Variants in ANKRD26 observed in about 807,000 individuals in gnomAD.
ANKRD26 encodes the protein ankyrin repeat domain 26, also known as ankyrin repeat domain-containing protein 26.
A neutral mutation model predicts 208.7 loss-of-function variants in ANKRD26; 141 were observed. The ratio of observed to expected loss-of-function variants is 0.68; its 90% confidence interval spans 0.59 to 0.78. The LOEUF (loss-of-function observed/expected upper bound fraction) is 0.78, where lower values mean the gene tolerates loss of function less well. ANKRD26 is among the 30% of genes least tolerant of loss of function. The probability of loss-of-function intolerance (pLI) is 0.00; values close to 1 mark genes in which losing one functional copy is unlikely to be tolerated. For missense variants in ANKRD26, 1,889 were observed against 1,938.7 expected, an observed-to-expected ratio of 0.97 and a Z score of 0.48; for synonymous variants, 636 against 660.4, an observed-to-expected ratio of 0.96 and a Z score of 0.57.
chr10:26,987,728 A>G (rs2052414113), downstream of ANKRD26, among the ~76,000 whole-genome samples: 2 of 152,186 alleles, frequency 1.3e-5, no homozygotes, highest in Admixed American at 6.5e-5. Context: ...ATAAAAGCAA[A>G]TCTTCATAGA....
chr10:27,063,790 T>C (rs2055147108), intron 12 of ANKRD26, among the ~76,000 whole-genome samples, 198 bp downstream of exon 12: 1 of 152,172 alleles, frequency 6.6e-6, no homozygotes, highest in Non-Finnish European at 1.5e-5. Context: ...GATCTAATAA[T>C]TCAGTTCCCT....
chr10:27,034,031 G>A (rs114320757), intron 24 of ANKRD26, among the ~76,000 whole-genome samples: 2,214 of 152,174 alleles, frequency 0.015, 33 homozygotes, highest in Middle Eastern at 0.031. Flanking sequence ...ACTGAACAAA[G>A]TTATACCCAA....
At chr10:26,967,877 T>G in the ANKRD26 span, among the ~76,000 whole-genome samples, 1 of 152,166 alleles carries the variant, frequency 6.6e-6, no homozygotes. Flanking sequence ...CTCTTCTACC[T>G]TACTTCTGGA....
At chr10:27,061,966 G>C (rs749407114) in intron 12 of ANKRD26, 12 of 984,908 alleles carry the variant, frequency 1.2e-5, no homozygotes, top group Non-Finnish European at 1.4e-5. Flanking sequence ...ATAATCTCTG[G>C]AGCAGAAATG....
intron 18 of ANKRD26, among the ~76,000 whole-genome samples, chr10:27,045,946 C>A (rs2135312159): frequency 6.6e-6 from 1 of 152,290 alleles, no homozygotes; most frequent in Middle Eastern, 3.4e-3. Flanking sequence ...ATCAAGCTTT[C>A]TGAGGCTTTG....
At chr10:26,960,436 G>A in the ANKRD26 span, among the ~76,000 whole-genome samples, 1 of 152,176 alleles carries the variant, frequency 6.6e-6, no homozygotes, top group Non-Finnish European at 1.5e-5. Flanking sequence ...AGGCTCATAA[G>A]AAGCATCTTG....
intron 4 of ANKRD26, among the ~76,000 whole-genome samples, chr10:26,982,687 G>A (rs954309305): frequency 3.3e-5 from 5 of 152,122 alleles, no homozygotes; most frequent in African/African-American, 1.2e-4. Context: ...ATAAGGGAAA[G>A]TAAACCTGGA....
chr10:27,035,798 C>G, intron 23 of ANKRD26, 46 bp from the exon 24 acceptor site: 1 of 1,307,748 alleles, frequency 7.6e-7, no homozygotes, highest in Non-Finnish European at 1.1e-6. Context: ...AAGAAAATGA[C>G]AGATCATGAT....
At position 27,022,526 on chromosome 10, in the gene ANKRD26, C is replaced by T. The variant is rs774512945; in HGVS notation, c.4215+32G>A. 2.8e-6 allele frequency: 4 copies of T among 1,449,624 alleles called. No individual in the cohort carries two copies. In the African/African-American group the frequency reaches 4.2e-5, roughly 15 times the overall value. 89.8% of individuals were successfully genotyped at this position (1,449,624 alleles called of 1,614,324 possible). ...GTCTATATTTCCCAAAATTAAGTGA[C>T]TTTTTTGGTCCCAAAACTTATTAAA... On this transcript the variant is annotated intron_variant, in intron 29 of 33. Transcript: ENST00000376087.
downstream of ANKRD26, among the ~76,000 whole-genome samples, chr10:26,973,820 A>G (rs1039960905): frequency 3.3e-5 from 5 of 150,896 alleles, no homozygotes; most frequent in African/African-American, 1.2e-4. Flanking sequence ...CGCCTGGCTA[A>G]TTTTTGTATT....
intron 5 of ANKRD26, among the ~76,000 whole-genome samples, chr10:27,084,925 T>A (rs2056060472): frequency 6.6e-6 from 1 of 151,926 alleles, no homozygotes; most frequent in Non-Finnish European, 1.5e-5. Flanking sequence ...TGTTTTTTTT[T>A]AGAGTCTCCC....
At chr10:27,015,907 AT>A (rs1157200506) in intron 30 of ANKRD26, among the ~76,000 whole-genome samples, 5 of 152,120 alleles carry the variant, frequency 3.3e-5, no homozygotes, top group Admixed American at 2.6e-4. Context: ...TATTAAGTAG[AT>A]TTTTATCACT....
chr10:27,000,019 G>T (rs975640911), downstream of ANKRD26, among the ~76,000 whole-genome samples: 2 of 151,990 alleles, frequency 1.3e-5, no homozygotes, highest in African/African-American at 2.4e-5. Context: ...CCTAGCAATG[G>T]GGCCCAGATT....
chr10:27,066,596 T>C (rs34635092), intron 10 of ANKRD26, 48 bp from the exon 11 acceptor site: 1 of 1,226,828 alleles, frequency 8.2e-7, no homozygotes, highest in South Asian at 1.3e-5. Flanking sequence ...TTTACTATTG[T>C]AAATTTTAAA....
chr10:27,004,461 C>T lies in ANKRD26; in HGVS notation c.*1129G>A, dbSNP rs534180484. The T allele has an allele frequency of 6.6e-6, 1 of 152,032 alleles. No individual in the cohort carries two copies. Among genetic ancestry groups the T allele is most frequent in the South Asian group, 2.1e-4 (1 of 4,812 alleles). The allele number at this position is 152,032 out of a possible 1,614,324, so 9.4% of individuals were successfully genotyped here. A position where few individuals can be genotyped will look rare whatever the true frequency, so the allele number is the denominator to read the frequency against. On this transcript the variant is annotated 3_prime_UTR_variant, in exon 34 of 34. Transcript: ENST00000376087. ...TATGTACATAGTCTCAAATTACCTCCCTGTAAAATACTAATTAACCACAAG... is the reference window on the plus strand; with the variant it reads ...TATGTACATAGTCTCAAATTACCTCTCTGTAAAATACTAATTAACCACAAG...
chr10:27,063,535 G>T (rs973171528), intron 12 of ANKRD26, among the ~76,000 whole-genome samples: 1 of 152,136 alleles, frequency 6.6e-6, no homozygotes, highest in African/African-American at 2.4e-5. Context: ...TGGCCAGGCT[G>T]GTCTCGGACT....
intron 31 of ANKRD26, among the ~76,000 whole-genome samples, chr10:27,013,613 A>G (rs1488713269): frequency 6.6e-6 from 1 of 152,250 alleles, no homozygotes; most frequent in Non-Finnish European, 1.5e-5. Context: ...AGCTAAAAAT[A>G]CTTGTATTTA....
chr10:26,980,760 T>C (rs1199525517), exon 5 of ANKRD26, among the ~76,000 whole-genome samples: 2 of 151,878 alleles, frequency 1.3e-5, no homozygotes, highest in Middle Eastern at 3.2e-3. Context: ...GAGAGGAAGA[T>C]GGTAGGCTAG....
intron 12 of ANKRD26, among the ~76,000 whole-genome samples, chr10:27,063,248 G>A (rs1264638650): frequency 6.6e-6 from 1 of 152,096 alleles, no homozygotes; most frequent in Non-Finnish European, 1.5e-5. Context: ...GGTACTGGAA[G>A]CTCATTTTAA....
Sources: allele counts gnomAD v4.1 joint callset (sites outside exome capture counted in the v4.1 genomes callset), GRCh38; gene constraint gnomAD v4.1.1; transcripts MANE v1.5; gene names NCBI Gene and HGNC (gene_info 2026-07-23, HGNC 2026-07-21).